AGAP1: variants seen among roughly 807,000 people sequenced by gnomAD.
AGAP1 encodes ArfGAP with GTPase domain, ankyrin repeat and PH domain 1, also known as arf-GAP with GTPase, ANK repeat and PH domain-containing protein 1.
Under a neutral mutation model 105.3 loss-of-function variants are expected in AGAP1, and 29 were observed. The ratio of observed to expected loss-of-function variants is 0.28; its 90% CI spans 0.21 to 0.38. The LOEUF (loss-of-function observed/expected upper bound fraction) is 0.38, where lower values mean the gene tolerates loss of function less well. Ranked by LOEUF, AGAP1 falls within the 10% of genes least tolerant of loss-of-function variation. The probability of loss-of-function intolerance (pLI) is 1.00; values close to 1 mark genes in which losing one functional copy is unlikely to be tolerated. For missense variants in AGAP1, 998 were observed against 1,165.1 expected (o/e 0.86, Z 2.09); for synonymous variants, 509 against 485.9 (o/e 1.05, Z -0.63).
rs1472295199 is a variant in AGAP1, at chr2:235,754,014, TA to T, written c.673+3529del. On this transcript the variant is annotated intron_variant, in intron 6 of 17. Coordinates refer to ENST00000304032, the MANE Select transcript of AGAP1 (RefSeq NM_001037131.3). This position sits in a 1 kb window ranked among gnomAD's most constrained non-coding sequence, Gnocchi z 4.6. ...CAAAGTAAAAATCCTCAAGGAAAGT[TA>T]AACATTGTAAGGTTTATATAAAGTT... 2.0e-5 allele frequency among the ~76,000 whole-genome samples: 3 copies of T among 152,226 alleles called. No homozygotes were observed. Among genetic ancestry groups the T allele is most frequent in the Non-Finnish European group, 4.4e-5 (3 of 68,040 alleles).
At chr2:235,940,000 G>A (rs888798946) in intron 12 of AGAP1, among the ~76,000 whole-genome samples, 1 of 152,134 alleles carries the variant, frequency 6.6e-6, no homozygotes, top group African/African-American at 2.4e-5. Context: ...CTGCTCGGAG[G>A]GGAGTTGGGC....
chr2:235,932,812 A>G (rs1189153293), intron 12 of AGAP1, among the ~76,000 whole-genome samples: 1 of 152,178 alleles, frequency 6.6e-6, no homozygotes, highest in Non-Finnish European at 1.5e-5. Flanking sequence ...ATCGTGAGAC[A>G]CTGCTTTCCA....
In AGAP1 at chr2:235,789,534, C is replaced by T. The variant is rs1956850982; in HGVS notation, c.674-8225C>T. Among the ~76,000 whole-genome samples the T allele has an allele frequency of 6.6e-6, 1 of 152,094 alleles. No individual in the cohort carries two copies. Among genetic ancestry groups the T allele is most frequent in the South Asian group, 2.1e-4 (1 of 4,824 alleles). On this transcript the variant is annotated intron_variant, in intron 6 of 17. Coordinates refer to ENST00000304032, the MANE Select transcript of AGAP1 (RefSeq NM_001037131.3). This position sits in a 1 kb window ranked among gnomAD's most constrained non-coding sequence, Gnocchi z 4.2. Reference sequence around the variant, plus strand: ...ATTAAGAATTCAGACTTCAGTACTTCAGGAAAAACTTAAAAGCTTCACTAG... The same window carrying T: ...ATTAAGAATTCAGACTTCAGTACTTTAGGAAAAACTTAAAAGCTTCACTAG...
intron 12 of AGAP1, among the ~76,000 whole-genome samples, chr2:235,950,593 G>C (rs2053690934): frequency 1.3e-5 from 2 of 152,086 alleles, no homozygotes; most frequent in Non-Finnish European, 2.9e-5. Flanking sequence ...GCTGCTGTAG[G>C]GAAGAATGAC....
At chr2:235,718,357 T>C (rs1222649687) in intron 3 of AGAP1, 3 of 985,208 alleles carry the variant, frequency 3.0e-6, no homozygotes, top group Non-Finnish European at 2.4e-6. Flanking sequence ...TTCTTTTTCT[T>C]ACTGGCTGTT....
chr2:235,888,926 C>G lies in AGAP1; in HGVS notation c.1155+5477C>G, dbSNP rs1356306830. Reference sequence around the variant, plus strand: ...GTGGAAGCAGGAGACTGACCATTTCCTAACCTTGCCAAAAACTCTGGGTGA... The same window carrying G: ...GTGGAAGCAGGAGACTGACCATTTCGTAACCTTGCCAAAAACTCTGGGTGA... On this transcript the variant is annotated intron_variant, in intron 10 of 17. Coordinates refer to ENST00000304032, the MANE Select transcript of AGAP1 (RefSeq NM_001037131.3). The surrounding 1 kb of genome is among the most constrained non-coding windows in gnomAD (Gnocchi z 4.8). 1.3e-5 allele frequency among the ~76,000 whole-genome samples: 2 copies of G among 152,150 alleles called. No homozygotes were observed. The highest frequency in any genetic ancestry group is 2.9e-5 in the Non-Finnish European group (2 of 68,036).
Position 235,883,257 on chromosome 2 carries a change from G to A in AGAP1, c.1051-88G>A. The stretch of plus-strand genomic sequence containing the variant: ...CAGAGTGAAGTTCTGCACACACACA[G>A]AACTTGAATGTATATGTTGCCTGTG... On this transcript the variant is annotated intron_variant, in intron 9 of 17. Transcript: ENST00000304032. This position sits in a 1 kb window ranked among gnomAD's most constrained non-coding sequence, Gnocchi z 4.5. 9.0e-7 allele frequency: 1 copy of A among 1,110,942 alleles called. No homozygotes were observed. The highest frequency in any genetic ancestry group is 1.3e-6 in the Non-Finnish European group (1 of 741,582). The allele number at this position is 1,110,942 out of a possible 1,614,324, so 68.8% of individuals were successfully genotyped here.
In AGAP1 at chr2:235,649,618, T is replaced by C. The variant is rs141521553; in HGVS notation, c.164-59561T>C. On this transcript the variant is annotated intron_variant, in intron 1 of 17. Transcript: ENST00000304032. Reference sequence around the variant, plus strand: ...GACTCGTGGACTCAAGCAACCTTCCTGCCTCAGCCTCCCAGAGTGCTAGGA... The same window carrying C: ...GACTCGTGGACTCAAGCAACCTTCCCGCCTCAGCCTCCCAGAGTGCTAGGA... 1.9e-3 allele frequency among the ~76,000 whole-genome samples: 292 copies of C among 152,298 alleles called. 1 individual carries two copies. The highest frequency in any genetic ancestry group is 6.8e-3 in the Middle Eastern group (2 of 294).
chr2:236,091,314 T>C (rs2059054397), intron 16 of AGAP1, among the ~76,000 whole-genome samples: 1 of 152,184 alleles, frequency 6.6e-6, no homozygotes, highest in Non-Finnish European at 1.5e-5. Flanking sequence ...ATCCTGAGGG[T>C]CTCAACTGTT....
chr2:235,982,070 G>A lies in AGAP1; in HGVS notation c.1645+13447G>A, dbSNP rs933409054. On this transcript the variant is annotated intron_variant, in intron 13 of 17. Transcript: ENST00000304032. The surrounding 1 kb of genome is among the most constrained non-coding windows in gnomAD (Gnocchi z 4.9). The stretch of plus-strand genomic sequence containing the variant: ...ACCCGAGGCTGTGCTTCAGCAGATT[G>A]ACAGAATGCATTTTTACAGCACTTA... Among the ~76,000 whole-genome samples the A allele has an allele frequency of 2.0e-5, 3 of 152,174 alleles. No homozygotes were observed. Among genetic ancestry groups the A allele is most frequent in the Non-Finnish European group, 2.9e-5 (2 of 68,036 alleles).
intron 1 of AGAP1, among the ~76,000 whole-genome samples, chr2:235,503,826 A>G (rs1391016533): frequency 2.6e-5 from 4 of 151,918 alleles, no homozygotes; most frequent in Admixed American, 6.6e-5. Flanking sequence ...GACATTCTGG[A>G]CTCAAGCAAT....
intron 8 of AGAP1, among the ~76,000 whole-genome samples, chr2:235,804,057 C>G (rs1957715623): frequency 6.6e-6 from 1 of 152,180 alleles, no homozygotes. Context: ...AATACAAGCC[C>G]TTTTCTGCTA....
rs182754340 is a variant in AGAP1 at position 236,047,207 on chromosome 2, C to T, written c.1892-1852C>T. ...TTGGCCACAGGGGTCTTTTGGGTTTCGCCCTGGAACAGGCTAGTGACTTTG... is the reference window on the plus strand; with the variant it reads ...TTGGCCACAGGGGTCTTTTGGGTTTTGCCCTGGAACAGGCTAGTGACTTTG... On this transcript the variant is annotated intron_variant, in intron 15 of 17. Coordinates refer to ENST00000304032, the MANE Select transcript of AGAP1 (RefSeq NM_001037131.3). Among the ~76,000 whole-genome samples the T allele has an allele frequency of 9.8e-5, 15 of 152,332 alleles. No individual in the cohort carries two copies. The East Asian group carries it at 2.9e-3, about 29-fold the overall frequency.
chr2:235,884,720 C>G (rs558803467), intron 10 of AGAP1, among the ~76,000 whole-genome samples: 30 of 152,156 alleles, frequency 2.0e-4, no homozygotes, highest in Non-Finnish European at 4.0e-4. Context: ...TCCCAAAATG[C>G]TGGGATTACA....
intron 6 of AGAP1, among the ~76,000 whole-genome samples, chr2:235,756,418 C>G (rs148209222): frequency 2.0e-4 from 31 of 152,234 alleles, no homozygotes; most frequent in African/African-American, 6.5e-4. Flanking sequence ...TTAAAGGCCC[C>G]TGATTCCTAA....
At chr2:235,923,820 A>G (rs1559651544) in intron 11 of AGAP1, among the ~76,000 whole-genome samples, 2 of 152,302 alleles carry the variant, frequency 1.3e-5, no homozygotes, top group East Asian at 3.9e-4. Context: ...GGCCATGTTT[A>G]TGTGCATCTG....
intron 6 of AGAP1, among the ~76,000 whole-genome samples, chr2:235,779,914 G>A (rs1365503314): frequency 2.6e-5 from 4 of 152,190 alleles, no homozygotes; most frequent in Non-Finnish European, 5.9e-5. Flanking sequence ...CTCACCACTC[G>A]TGCTTGGAAT....
At position 235,662,517 on chromosome 2, in the gene AGAP1, ATTTT is replaced by A. The variant is rs66689239; in HGVS notation, c.164-46646_164-46643del. ...CTGTCTGCCTTCATGGAAGTTGGTG[ATTTT>A]TTTTTTTTTTTTTTTGGCTCTGTTG... On this transcript the variant is annotated intron_variant, in intron 1 of 17. Transcript: ENST00000304032. This position sits in a 1 kb window ranked among gnomAD's most constrained non-coding sequence, Gnocchi z 4.2. 1.5e-4 allele frequency among the ~76,000 whole-genome samples: 19 copies of A among 124,604 alleles called. No individual in the cohort carries two copies. Among genetic ancestry groups the A allele is most frequent in the African/African-American group, 3.9e-4 (13 of 33,558 alleles). 81.7% of individuals were successfully genotyped at this position (124,604 alleles called of 152,430 possible).
chr2:235,527,520 A>G (rs1391321710), intron 1 of AGAP1, among the ~76,000 whole-genome samples: 1 of 152,126 alleles, frequency 6.6e-6, no homozygotes, highest in Non-Finnish European at 1.5e-5. Flanking sequence ...ACAGGTGTGC[A>G]CCATCATGCC....
Sources: allele counts gnomAD v4.1 joint callset (sites outside exome capture counted in the v4.1 genomes callset), GRCh38; gene constraint gnomAD v4.1.1; non-coding constraint Gnocchi (gnomAD v3.1); transcripts MANE v1.5; gene names NCBI Gene and HGNC (gene_info 2026-07-23, HGNC 2026-07-21).